Variants in SPATA13 observed in about 807,000 individuals in gnomAD.
SPATA13 encodes the protein spermatogenesis-associated protein 13.
A neutral mutation model predicts 104.0 loss-of-function variants in SPATA13; 50 were observed. That is an observed-to-expected ratio of 0.48 (90% CI 0.38 to 0.61). The LOEUF (loss-of-function observed/expected upper bound fraction) is 0.61, where lower values mean the gene tolerates loss of function less well. SPATA13 is among the 20% of genes least tolerant of loss of function. SPATA13 has a pLI of 0.00. For synonymous variants in SPATA13, 606 were observed against 667.5 expected, an observed-to-expected ratio of 0.91 and a Z score of 1.42; for missense variants, 1,524 against 1,690.6, an observed-to-expected ratio of 0.90 and a Z score of 1.73.
At chr13:24,000,191 A>G (rs1026152901) in intron 2 of SPATA13, among the ~76,000 whole-genome samples, 3 of 152,244 alleles carry the variant, frequency 2.0e-5, no homozygotes, top group African/African-American at 7.2e-5. Context: ...GGAGAAGGAC[A>G]TTGTGCCCTG....
At chr13:24,017,002 G>C (rs1211103353) in intron 2 of SPATA13, among the ~76,000 whole-genome samples, 1 of 152,210 alleles carries the variant, frequency 6.6e-6, no homozygotes, top group African/African-American at 2.4e-5. Flanking sequence ...CACAGACTCG[G>C]CAGCCTCAGG....
At chr13:24,188,782 G>A (rs1000969483) in intron 1 of SPATA13, among the ~76,000 whole-genome samples, 1 of 137,646 alleles carries the variant, frequency 7.3e-6, no homozygotes, top group Non-Finnish European at 1.5e-5. Flanking sequence ...AGCTAGAGAG[G>A]AGAAGTCAGT....
At chr13:24,030,066 GCACACACACA>G (rs57708966) in intron 3 of SPATA13, among the ~76,000 whole-genome samples, 1 of 145,314 alleles carries the variant, frequency 6.9e-6, no homozygotes, top group African/African-American at 2.6e-5. Context: ...ACACACACAC[GCACACACACA>G]CACACACACA....
chr13:24,190,946 A>G (rs1023815489), intron 1 of SPATA13, among the ~76,000 whole-genome samples: 3 of 152,166 alleles, frequency 2.0e-5, no homozygotes, highest in African/African-American at 7.2e-5. Flanking sequence ...CAAATGCAGC[A>G]AACCTCACTG....
At chr13:24,019,888 A>G (rs1047631491) in intron 3 of SPATA13, among the ~76,000 whole-genome samples, 1 of 152,212 alleles carries the variant, frequency 6.6e-6, no homozygotes, top group Non-Finnish European at 1.5e-5. Flanking sequence ...GAAGACTGGT[A>G]GGGTTAGGAG....
At chr13:24,282,270 G>A (rs779385036) in intron 4 of SPATA13, among the ~76,000 whole-genome samples, 20 of 152,134 alleles carry the variant, frequency 1.3e-4, no homozygotes, top group Non-Finnish European at 2.4e-4. Context: ...AGATTGATCC[G>A]AATATAAAAC....
At chr13:24,165,936 G>A (rs995366986) in intron 1 of SPATA13, among the ~76,000 whole-genome samples, 1 of 152,122 alleles carries the variant, frequency 6.6e-6, no homozygotes, top group South Asian at 2.1e-4. Flanking sequence ...AAACACATCC[G>A]GGTTGTGTGT....
chr13:24,095,988 C>G (rs1194730611), intron 3 of SPATA13, among the ~76,000 whole-genome samples: 1 of 152,170 alleles, frequency 6.6e-6, no homozygotes, highest in African/African-American at 2.4e-5. Flanking sequence ...CAGCAAGGTA[C>G]CTACACCTGC....
intron 3 of SPATA13, among the ~76,000 whole-genome samples, chr13:24,060,764 T>C (rs1371474342): frequency 6.6e-6 from 1 of 152,068 alleles, no homozygotes; most frequent in Non-Finnish European, 1.5e-5. Flanking sequence ...ACAACTCCAT[T>C]AAAAATGGAC....
intron 3 of SPATA13, among the ~76,000 whole-genome samples, chr13:24,097,789 A>G (rs914190162): frequency 1.3e-5 from 2 of 152,242 alleles, no homozygotes; most frequent in African/African-American, 4.8e-5. Context: ...AGCATGGTAC[A>G]ATTTGAGAAC....
At chr13:24,247,199 G>A (rs1162867287) in intron 2 of SPATA13, among the ~76,000 whole-genome samples, 6 of 152,280 alleles carry the variant, frequency 3.9e-5, no homozygotes, top group South Asian at 2.1e-4. Flanking sequence ...AATTAAAGGT[G>A]GCAGCCCAGC....
intron 2 of SPATA13, among the ~76,000 whole-genome samples, chr13:24,013,220 T>C (rs1224256601): frequency 6.6e-6 from 1 of 152,146 alleles, no homozygotes; most frequent in Non-Finnish European, 1.5e-5. Context: ...TCATGCTCTT[T>C]CTCCCAAGGA....
In SPATA13 at chr13:24,305,269, GA is replaced by G. The variant is rs1280010398; in HGVS notation, c.*2497del. On this transcript the variant is annotated 3_prime_UTR_variant, in exon 13 of 13. Transcript: ENST00000382108. ...CTACCTCCACGGACTTCCTAACAGAGACTTATGAATACCAGGATGTGTTTTT... is the reference window on the plus strand; with the variant it reads ...CTACCTCCACGGACTTCCTAACAGAGCTTATGAATACCAGGATGTGTTTTT... 2 of 152,030 alleles carry G rather than the reference GA, an allele frequency of 1.3e-5. No homozygotes were observed. The highest frequency in any genetic ancestry group is 2.4e-5 in the African/African-American group (1 of 41,426). 9.4% of individuals were successfully genotyped at this position (152,030 alleles called of 1,614,324 possible).
chr13:24,127,318 G>T (rs1040509060), intron 3 of SPATA13, among the ~76,000 whole-genome samples: 1 of 152,164 alleles, frequency 6.6e-6, no homozygotes, highest in Non-Finnish European at 1.5e-5. Context: ...GTGACCTTTA[G>T]TCAAGAGACA....
In SPATA13 at chr13:24,201,031, T is replaced by TCA. The variant is rs10529866; in HGVS notation, c.-111-21753_-111-21752dup. On this transcript the variant is annotated intron_variant, in intron 1 of 12. Transcript: ENST00000382108. ...GTGAATTTTAAATTCAGCTAGTCAG[T>TCA]CACACACACACACACACACACACAC... 6.1e-3 allele frequency among the ~76,000 whole-genome samples: 918 copies of TCA among 150,382 alleles called. 6 individuals are homozygous for TCA. Among genetic ancestry groups the TCA allele is most frequent in the African/African-American group, 0.017 (697 of 40,564 alleles).
At chr13:24,285,878 A>G (rs1376449820) in intron 5 of SPATA13, among the ~76,000 whole-genome samples, 1 of 151,978 alleles carries the variant, frequency 6.6e-6, no homozygotes. Context: ...ATGGGGTTTC[A>G]CCATCTTGGT....
At chr13:24,133,481 C>T (rs1219753774) in intron 3 of SPATA13, among the ~76,000 whole-genome samples, 1 of 152,084 alleles carries the variant, frequency 6.6e-6, no homozygotes, top group East Asian at 1.9e-4. Context: ...CAGGGTCGGC[C>T]CTGGAACTAG....
At chr13:24,003,836 A>T (rs1266285132) in intron 2 of SPATA13, among the ~76,000 whole-genome samples, 2 of 152,218 alleles carry the variant, frequency 1.3e-5, no homozygotes, top group Non-Finnish European at 2.9e-5. Context: ...CATATTTAAT[A>T]CAATATTAGA....
intron 2 of SPATA13, among the ~76,000 whole-genome samples, chr13:23,988,540 G>A (rs1397043057): frequency 6.6e-6 from 1 of 152,210 alleles, no homozygotes. Flanking sequence ...GATTTGCTGA[G>A]AAGAACGTTT....
Sources: allele counts gnomAD v4.1 joint callset (sites outside exome capture counted in the v4.1 genomes callset), GRCh38; gene constraint gnomAD v4.1.1; transcripts MANE v1.5; gene names NCBI Gene and HGNC (gene_info 2026-07-23, HGNC 2026-07-21).